Variants in FAM227B observed in about 807,000 individuals in gnomAD.
The protein encoded by FAM227B is protein FAM227B.
FAM227B carries 88 observed loss-of-function variants against 73.8 expected under a neutral mutation model. The ratio of observed to expected loss-of-function variants is 1.19; its 90% CI spans 1.00 to 1.42. The LOEUF is 1.42. Among genes scored for constraint, FAM227B ranks in the 40% most tolerant of loss-of-function variants. The pLI, the probability that FAM227B is intolerant of heterozygous loss-of-function variation, is 0.00. For synonymous variants in FAM227B, 210 were observed against 190.5 expected (o/e 1.10, Z -0.84); for missense variants, 632 against 590.9 (o/e 1.07, Z -0.72).
At chr15:49,383,556 C>T (rs1203738138) in intron 11 of FAM227B, among the ~76,000 whole-genome samples, 1 of 151,952 alleles carries the variant, frequency 6.6e-6, no homozygotes, top group Admixed American at 6.6e-5. Flanking sequence ...TTACACAAAG[C>T]CTGCAATATC....
chr15:49,403,890 G>T (rs2048342942), intron 11 of FAM227B, among the ~76,000 whole-genome samples: 1 of 152,008 alleles, frequency 6.6e-6, no homozygotes, highest in African/African-American at 2.4e-5. Flanking sequence ...TTTTATGTGG[G>T]CATTTAGTCC....
intron 10 of FAM227B, among the ~76,000 whole-genome samples, chr15:49,534,623 T>C (rs59299754): frequency 0.32 from 48,416 of 151,538 alleles, 8,347 homozygotes; most frequent in African/African-American, 0.43. Context: ...ATATACAGAC[T>C]ATTCCATCCA....
intron 5 of FAM227B, among the ~76,000 whole-genome samples, chr15:49,577,869 G>A (rs1182713776): frequency 1.3e-5 from 2 of 152,082 alleles, no homozygotes; most frequent in African/African-American, 4.8e-5. Flanking sequence ...TTCAAAAACG[G>A]AATCAGATAC....
chr15:49,618,761 G>GT (rs2078460923), intron 1 of FAM227B, among the ~76,000 whole-genome samples: 1 of 152,192 alleles, frequency 6.6e-6, no homozygotes, highest in Non-Finnish European at 1.5e-5. Context: ...AAACTGCAAT[G>GT]TAAGTATATT....
At chr15:49,351,824 T>A (rs1393134475) in intron 13 of FAM227B, among the ~76,000 whole-genome samples, 2 of 152,196 alleles carry the variant, frequency 1.3e-5, no homozygotes, top group African/African-American at 4.8e-5. Flanking sequence ...AGGAGCCAGA[T>A]CTTTGTACAT....
At chr15:49,499,803 T>C (rs543771295) in intron 11 of FAM227B, among the ~76,000 whole-genome samples, 27 of 152,248 alleles carry the variant, frequency 1.8e-4, no homozygotes, top group African/African-American at 5.8e-4. Flanking sequence ...TAAAGCAATA[T>C]GCAAAGAAGT....
chr15:49,370,305 C>G (rs1432529337), intron 12 of FAM227B, among the ~76,000 whole-genome samples: 1 of 152,234 alleles, frequency 6.6e-6, no homozygotes, highest in Non-Finnish European at 1.5e-5. Context: ...TAATCTGTTA[C>G]AAACCCATGT....
intron 3 of FAM227B, among the ~76,000 whole-genome samples, chr15:49,604,061 T>C (rs976992964): frequency 1.5e-4 from 23 of 152,198 alleles, no homozygotes; most frequent in African/African-American, 4.8e-4. Flanking sequence ...GATGTATAGT[T>C]ATTTTAAATA....
rs548185526 is a variant in FAM227B, at chr15:49,502,682, C to T, written c.1012+5529G>A. Reference sequence around the variant, plus strand: ...TAATGCTGGAATGAGTTAAGATTTTCGGGGACTGTTGGGAAGGCATGATTG... The same window carrying T: ...TAATGCTGGAATGAGTTAAGATTTTTGGGGACTGTTGGGAAGGCATGATTG... On this transcript the variant is annotated intron_variant, in intron 11 of 15. Coordinates refer to ENST00000299338, the MANE Select transcript of FAM227B (RefSeq NM_152647.3). Among the ~76,000 whole-genome samples the T allele has an allele frequency of 5.3e-5, 8 of 152,180 alleles. No homozygotes were observed. In the East Asian group the frequency reaches 5.8e-4, roughly 11 times the overall value.
intron 13 of FAM227B, among the ~76,000 whole-genome samples, chr15:49,339,968 C>G (rs569396173): frequency 3.3e-4 from 50 of 152,292 alleles, no homozygotes; most frequent in African/African-American, 1.2e-3. Context: ...ACCCCTCCCC[C>G]CACCAAGCTT....
At chr15:49,577,559 T>A in intron 6 of FAM227B, 70 bp downstream of exon 6, 2 of 941,324 alleles carry the variant, frequency 2.1e-6, no homozygotes, top group Non-Finnish European at 3.2e-6. Flanking sequence ...GTTTATATTG[T>A]TGTAAACATT....
chr15:49,509,800 T>G (rs1313361193), intron 10 of FAM227B, among the ~76,000 whole-genome samples: 1 of 152,102 alleles, frequency 6.6e-6, no homozygotes, highest in Non-Finnish European at 1.5e-5. Flanking sequence ...TCCTAGGAAA[T>G]TGTTATCCTA....
chr15:49,440,516 AT>A (rs1457546731), intron 11 of FAM227B, among the ~76,000 whole-genome samples: 2 of 151,820 alleles, frequency 1.3e-5, no homozygotes, highest in African/African-American at 4.8e-5. Context: ...TTTACATAAA[AT>A]TATCTAAAAT....
chr15:49,371,678 AAATG>A (rs1567171715), intron 11 of FAM227B, among the ~76,000 whole-genome samples: 1 of 151,110 alleles, frequency 6.6e-6, no homozygotes, highest in East Asian at 1.9e-4. Flanking sequence ...ACTAATAAAT[AAATG>A]AAATAAAATT....
At chr15:49,611,558 A>G (rs1056044844) in intron 2 of FAM227B, among the ~76,000 whole-genome samples, 7 of 152,176 alleles carry the variant, frequency 4.6e-5, no homozygotes, top group African/African-American at 1.2e-4. Flanking sequence ...CAGATTCCTA[A>G]AAGAGTTCCA....
intron 10 of FAM227B, among the ~76,000 whole-genome samples, chr15:49,509,531 T>C (rs1338911185): frequency 6.6e-6 from 1 of 152,000 alleles, no homozygotes; most frequent in African/African-American, 2.4e-5. Flanking sequence ...GTGAAATTAT[T>C]TAACATGGTG....
chr15:49,460,997 A>T (rs1040987476), intron 11 of FAM227B, among the ~76,000 whole-genome samples: 3 of 152,180 alleles, frequency 2.0e-5, no homozygotes, highest in African/African-American at 7.2e-5. Context: ...ATAAAGAATG[A>T]GTGATATTCA....
At chr15:49,547,615 G>T (rs578239209) in intron 9 of FAM227B, among the ~76,000 whole-genome samples, 25 of 152,248 alleles carry the variant, frequency 1.6e-4, no homozygotes, top group African/African-American at 4.8e-4. Flanking sequence ...ACAAAAAAAG[G>T]CAGGGGTTGC....
chr15:49,367,082 C>G (rs530793504), intron 13 of FAM227B, among the ~76,000 whole-genome samples: 23 of 152,214 alleles, frequency 1.5e-4, no homozygotes, highest in Non-Finnish European at 2.9e-4. Flanking sequence ...CTAAAACATG[C>G]CTAAAACTCT....
Sources: allele counts gnomAD v4.1 joint callset (sites outside exome capture counted in the v4.1 genomes callset), GRCh38; gene constraint gnomAD v4.1.1; transcripts MANE v1.5; gene names NCBI Gene and HGNC (gene_info 2026-07-23, HGNC 2026-07-21).